Variants in CCDC85C observed in about 807,000 individuals in gnomAD.
CCDC85C encodes the protein coiled-coil domain-containing protein 85C.
Under a neutral mutation model 38.3 loss-of-function variants are expected in CCDC85C, and 18 were observed. The observed-to-expected ratio is 0.47, with a 90% CI of 0.33 to 0.70. The LOEUF (loss-of-function observed/expected upper bound fraction) is 0.70. CCDC85C is among the 30% of genes least tolerant of loss of function. The pLI, the probability that CCDC85C is intolerant of heterozygous loss-of-function variation, is 0.03. For synonymous variants in CCDC85C, 264 were observed against 293.8 expected (o/e 0.90, Z 1.04); for missense variants, 566 against 621.2 (o/e 0.91, Z 0.94).
intron 1 of CCDC85C, among the ~76,000 whole-genome samples, chr14:99,596,084 CCT>C (rs2055140485): frequency 6.6e-6 from 1 of 152,188 alleles, no homozygotes; most frequent in Middle Eastern, 3.2e-3. Context: ...GGGGTGGGCC[CCT>C]GTCTTTCTCA....
Position 99,569,588 on chromosome 14 carries a change from A to G in CCDC85C, c.794-33500T>C, listed in dbSNP as rs1199783787. The stretch of plus-strand genomic sequence containing the variant: ...ACAGTGATTCAACGGTCCCAGGCCA[A>G]AAAGCCAGGACACTCCAGAGCCAAG... On this transcript the variant is annotated intron_variant, in intron 1 of 5. Transcript: ENST00000380243. The surrounding 1 kb of genome is among the most constrained non-coding windows in gnomAD (Gnocchi z 4.3). Among the ~76,000 whole-genome samples, 2 of 152,208 alleles carry G rather than the reference A, an allele frequency of 1.3e-5. No homozygotes were observed. The highest frequency in any genetic ancestry group is 2.9e-5 in the Non-Finnish European group (2 of 68,038).
At chr14:99,524,823 G>T (rs1897352422) in intron 2 of CCDC85C, among the ~76,000 whole-genome samples, 1 of 151,472 alleles carries the variant, frequency 6.6e-6, no homozygotes, top group South Asian at 2.1e-4. Context: ...CCCTTCCTCA[G>T]GGGGAGGCAG....
rs1197893433 is a variant in CCDC85C at position 99,603,393 on chromosome 14, C to T, written c.567G>A (p.Pro189=). The T allele has an allele frequency of 7.3e-6, 9 of 1,240,054 alleles. No individual in the cohort carries two copies. Among genetic ancestry groups the T allele is most frequent in the Middle Eastern group, 3.1e-4 (1 of 3,182 alleles). The allele number at this position is 1,240,054 out of a possible 1,614,324, so 76.8% of individuals were successfully genotyped here. A position where few individuals can be genotyped will look rare whatever the true frequency, so the allele number is the denominator to read the frequency against. Residue 189 remains proline (P), a synonymous_variant, in exon 1 of 6, where the codon CCG becomes CCA. Transcript: ENST00000380243. This position sits in a 1 kb window ranked among gnomAD's most constrained non-coding sequence, Gnocchi z 7.5. ...CCGCGCCGGGCGCGCCACCCGACAG[C>T]GGCCCGCTCAGGCTGGCCTGGCTGT... is the stretch of plus-strand genomic sequence containing the variant. ...SIDSQASLSG[P]LSGGAPGAGA... is the part of the protein sequence containing the mutation.
intron 1 of CCDC85C, among the ~76,000 whole-genome samples, chr14:99,599,055 C>T (rs572109092): frequency 1.3e-5 from 2 of 152,216 alleles, no homozygotes; most frequent in South Asian, 4.1e-4. Context: ...GACCTTTGTT[C>T]CTGAGCTTGG....
chr14:99,601,789 A>G (rs1440201357), intron 1 of CCDC85C, among the ~76,000 whole-genome samples: 1 of 152,134 alleles, frequency 6.6e-6, no homozygotes, highest in Non-Finnish European at 1.5e-5. Context: ...GTAGCCATAG[A>G]TTGCTAATCA....
At chr14:99,534,446 G>T (rs2139916316) in intron 2 of CCDC85C, among the ~76,000 whole-genome samples, 1 of 152,198 alleles carries the variant, frequency 6.6e-6, no homozygotes, top group East Asian at 1.9e-4. Context: ...GGAACAATGA[G>T]ACAAAGAAAC....
At chr14:99,526,977 TC>T (rs1897397449) in intron 2 of CCDC85C, among the ~76,000 whole-genome samples, 1 of 151,948 alleles carries the variant, frequency 6.6e-6, no homozygotes, top group Non-Finnish European at 1.5e-5. Context: ...CCAGCTGTCA[TC>T]CGTCTCGGAG....
chr14:99,537,404 C>A lies in CCDC85C; in HGVS notation c.794-1316G>T, dbSNP rs116325379. Among the ~76,000 whole-genome samples the A allele has an allele frequency of 2.0e-3, 304 of 152,200 alleles. 3 individuals are homozygous for A. The highest frequency in any genetic ancestry group is 7.1e-3 in the African/African-American group (294 of 41,526). On this transcript the variant is annotated intron_variant, in intron 1 of 5. Transcript: ENST00000380243. ...TGGGGACAAGCCAGGACCACCATGC[C>A]AACCACAGGACCAATGAAGCATCTG...
chr14:99,502,675 A>G lies in CCDC85C; in HGVS notation c.*12571T>C. The G allele has an allele frequency of 6.3e-7, 1 of 1,580,218 alleles. No individual in the cohort carries two copies. The highest frequency in any genetic ancestry group is 1.1e-5 in the South Asian group (1 of 89,992). On this transcript the variant is annotated 3_prime_UTR_variant, in exon 6 of 6. Transcript: ENST00000380243. ...TCTTTATCCAGGTAAAATTTTATTTAAAATACCAATTTGTGTAAAATGTAA... is the reference window on the plus strand; with the variant it reads ...TCTTTATCCAGGTAAAATTTTATTTGAAATACCAATTTGTGTAAAATGTAA...
Position 99,503,842 on chromosome 14 carries a change from A to G in CCDC85C, c.*11404T>C. 1.7e-6 allele frequency: 1 copy of G among 585,032 alleles called. No homozygotes were observed. The highest frequency in any genetic ancestry group is 3.2e-5 in the Admixed American group (1 of 31,540). 36.2% of individuals were successfully genotyped at this position (585,032 alleles called of 1,614,324 possible). A position where few individuals can be genotyped will look rare whatever the true frequency, so the allele number is the denominator to read the frequency against. On this transcript the variant is annotated 3_prime_UTR_variant, in exon 6 of 6. Coordinates refer to ENST00000380243, the MANE Select transcript of CCDC85C (RefSeq NM_001144995.2). Reference sequence around the variant, plus strand: ...TCTAAAATTGTGCTCTTACGAAGCTATCAGTACAGAAAACATTACTGGCAA... The same window carrying G: ...TCTAAAATTGTGCTCTTACGAAGCTGTCAGTACAGAAAACATTACTGGCAA...
At position 99,507,426 on chromosome 14, in the gene CCDC85C, G is replaced by A; in HGVS notation, c.*7820C>T. 2.3e-6 allele frequency: 1 copy of A among 429,010 alleles called. No homozygotes were observed. The highest frequency in any genetic ancestry group is 4.7e-5 in the East Asian group (1 of 21,218). The allele number at this position is 429,010 out of a possible 1,614,324, so 26.6% of individuals were successfully genotyped here. A position where few individuals can be genotyped will look rare whatever the true frequency, so the allele number is the denominator to read the frequency against. ...ACCCTGTCTAAAAAATTAGCCAGGT[G>A]TGGTAGCACACACCTGTAGTCCCAA... On this transcript the variant is annotated 3_prime_UTR_variant, in exon 6 of 6. Transcript: ENST00000380243.
chr14:99,546,037 G>A (rs913555387), intron 1 of CCDC85C, among the ~76,000 whole-genome samples: 16 of 149,962 alleles, frequency 1.1e-4, no homozygotes, highest in African/African-American at 2.3e-4. Context: ...GCAACTAATC[G>A]CGCAGGACTG....
chr14:99,586,087 C>A (rs2055022861), intron 1 of CCDC85C, among the ~76,000 whole-genome samples: 1 of 152,212 alleles, frequency 6.6e-6, no homozygotes, highest in South Asian at 2.1e-4. Context: ...ATAGATGAGG[C>A]TCCAAGGAGG....
At chr14:99,553,730 T>C (rs1897958737) in intron 1 of CCDC85C, among the ~76,000 whole-genome samples, 1 of 152,176 alleles carries the variant, frequency 6.6e-6, no homozygotes, top group Non-Finnish European at 1.5e-5. Flanking sequence ...GTTCAATGAC[T>C]GCATGCCGAG....
intron 1 of CCDC85C, among the ~76,000 whole-genome samples, chr14:99,554,521 C>T (rs547038038): frequency 9.2e-5 from 14 of 152,342 alleles, no homozygotes; most frequent in African/African-American, 2.6e-4. Flanking sequence ...GCTGGCAGCC[C>T]GCACATCACT....
In CCDC85C at chr14:99,507,233, G is replaced by A; in HGVS notation, c.*8013C>T. Reference sequence around the variant, plus strand: ...GCAGGTCCTGGGAACTTAGAAAAGGGAGACTGGGGCCCAGATTGACAATGT... The same window carrying A: ...GCAGGTCCTGGGAACTTAGAAAAGGAAGACTGGGGCCCAGATTGACAATGT... On this transcript the variant is annotated 3_prime_UTR_variant, in exon 6 of 6. Transcript: ENST00000380243. 1 of 846,270 alleles carries A rather than the reference G, an allele frequency of 1.2e-6. No individual in the cohort carries two copies. The highest frequency in any genetic ancestry group is 1.3e-5 in the South Asian group (1 of 75,152). The allele number at this position is 846,270 out of a possible 1,614,324, so 52.4% of individuals were successfully genotyped here. A position where few individuals can be genotyped will look rare whatever the true frequency, so the allele number is the denominator to read the frequency against.
At chr14:99,598,462 G>A (rs936478326) in intron 1 of CCDC85C, among the ~76,000 whole-genome samples, 2 of 152,240 alleles carry the variant, frequency 1.3e-5, no homozygotes, top group Non-Finnish European at 2.9e-5. Context: ...GTGCAGAGAA[G>A]TGAGGGAAGG....
chr14:99,574,753 G>C (rs1008970892), intron 1 of CCDC85C, among the ~76,000 whole-genome samples: 2 of 152,204 alleles, frequency 1.3e-5, no homozygotes, highest in Non-Finnish European at 2.9e-5. Flanking sequence ...GGGTCAGGTG[G>C]CCTGACCACT....
rs149872214 is a variant in CCDC85C, at chr14:99,523,474, C to T, written c.868-1234G>A. On this transcript the variant is annotated intron_variant, in intron 2 of 5. Coordinates refer to ENST00000380243, the MANE Select transcript of CCDC85C (RefSeq NM_001144995.2). ...CTTGGCTCAAGGGCCAGCAAACAGC[C>T]GTGTCCTGCGGGGGTGAGGAGGCAA... Among the ~76,000 whole-genome samples, 1,315 of 152,338 alleles carry T rather than the reference C, an allele frequency of 8.6e-3. 27 individuals are homozygous for T. The highest frequency in any genetic ancestry group is 0.029 in the African/African-American group (1,195 of 41,572).
Sources: gnomAD v4.1 joint callset for allele counts (sites outside exome capture counted in the v4.1 genomes callset) on GRCh38, gnomAD v4.1.1 for gene constraint, Gnocchi (gnomAD v3.1) non-coding constraint, MANE v1.5 for transcripts, NCBI Gene and HGNC (gene_info 2026-07-23, HGNC 2026-07-21) for gene names.